The following PDE12 variants were observed in gnomAD, a reference collection of about 807,000 sequenced individuals.
The protein encoded by PDE12 is phosphodiesterase 12.
A neutral mutation model predicts 45.4 loss-of-function variants in PDE12; 26 were observed. That is an observed-to-expected ratio of 0.57 (90% CI 0.42 to 0.79). PDE12 has a LOEUF of 0.79. Ranked by LOEUF, PDE12 falls within the 30% of genes least tolerant of loss-of-function variation. The probability of loss-of-function intolerance (pLI) is 0.00; values close to 1 mark genes in which losing one functional copy is unlikely to be tolerated. For missense variants in PDE12, 668 were observed against 790.0 expected (o/e 0.85, Z 1.85); for synonymous variants, 283 against 323.9 (o/e 0.87, Z 1.36).
the PDE12 span, among the ~76,000 whole-genome samples, chr3:57,604,804 G>T: frequency 6.6e-6 from 1 of 151,586 alleles, no homozygotes; most frequent in South Asian, 2.1e-4. Context: ...TTAGAGATGG[G>T]GTCTTGCTTT....
At chr3:57,622,539 AC>A in the PDE12 span, among the ~76,000 whole-genome samples, 1 of 152,116 alleles carries the variant, frequency 6.6e-6, no homozygotes, top group African/African-American at 2.4e-5. Context: ...TTAAACATTC[AC>A]CCACCATATG....
At chr3:57,581,779 G>A in the PDE12 span, among the ~76,000 whole-genome samples, 4 of 152,144 alleles carry the variant, frequency 2.6e-5, no homozygotes, top group East Asian at 1.9e-4. Flanking sequence ...GTGACAGGAC[G>A]AGAACTCCAT....
the PDE12 span, among the ~76,000 whole-genome samples, chr3:57,618,411 A>C: frequency 6.6e-6 from 1 of 151,818 alleles, no homozygotes; most frequent in Non-Finnish European, 1.5e-5. Context: ...GTTTTATGGT[A>C]GATCTTTTTT....
the PDE12 span, chr3:57,641,802 A>T: frequency 7.0e-7 from 1 of 1,432,308 alleles, no homozygotes; most frequent in Non-Finnish European, 9.7e-7. Flanking sequence ...ATGAATGCTA[A>T]ATCAGTGAAG....
chr3:57,590,710 G>A, the PDE12 span, among the ~76,000 whole-genome samples: 2 of 151,848 alleles, frequency 1.3e-5, no homozygotes, highest in Non-Finnish European at 2.9e-5. Context: ...ACAGGGTCTC[G>A]ATCTGTCACC....
At chr3:57,623,010 A>G in the PDE12 span, among the ~76,000 whole-genome samples, 1 of 152,298 alleles carries the variant, frequency 6.6e-6, no homozygotes, top group Admixed American at 6.5e-5. Flanking sequence ...GGCTGTGATG[A>G]TGGTTTTATG....
the PDE12 span, among the ~76,000 whole-genome samples, chr3:57,598,704 C>A: frequency 6.6e-6 from 1 of 152,108 alleles, no homozygotes; most frequent in African/African-American, 2.4e-5. Context: ...TGGCGTGAAC[C>A]CGGGAGGCGG....
At chr3:57,595,657 TA>T in the PDE12 span, among the ~76,000 whole-genome samples, 3 of 152,238 alleles carry the variant, frequency 2.0e-5, no homozygotes, top group East Asian at 5.8e-4. Flanking sequence ...AGCTCTAAAA[TA>T]AAACCTCCGG....
At chr3:57,628,889 G>C in the PDE12 span, 1 of 1,609,828 alleles carries the variant, frequency 6.2e-7, no homozygotes, top group South Asian at 1.1e-5. Flanking sequence ...GTAAGTCCTA[G>C]AATAAATAAA....
chr3:57,598,553 G>A, the PDE12 span, among the ~76,000 whole-genome samples: 1 of 152,052 alleles, frequency 6.6e-6, no homozygotes, highest in African/African-American at 2.4e-5. Flanking sequence ...AGGCCGAGGC[G>A]GGCAGATTAC....
the PDE12 span, among the ~76,000 whole-genome samples, chr3:57,592,499 A>C: frequency 6.6e-6 from 1 of 152,146 alleles, no homozygotes; most frequent in Non-Finnish European, 1.5e-5. Context: ...AATATTTTTT[A>C]TCAAATTCAT....
At chr3:57,584,061 C>G in the PDE12 span, 2 of 1,224,504 alleles carry the variant, frequency 1.6e-6, no homozygotes, top group African/African-American at 3.1e-5. Context: ...AAAATAAAAC[C>G]TTTTATTGTG....
the PDE12 span, among the ~76,000 whole-genome samples, chr3:57,609,905 ACC>A: frequency 6.6e-6 from 1 of 152,186 alleles, no homozygotes; most frequent in Non-Finnish European, 1.5e-5. Context: ...TCATCCTGAT[ACC>A]AAAGGCTGGC....
Position 57,559,861 on chromosome 3 carries a change from A to C in PDE12, c.1687A>C (p.Ile563Leu). Residue 563 changes from isoleucine (I) to leucine (L), a missense_variant, in exon 3 of 3, where the codon ATT becomes CTT. By Grantham distance (5) the Ile-to-Leu change is conservative (BLOSUM62 2). Transcript: ENST00000311180. ...TGGCTTTCATGGATGTCTAGATTAC[A>C]TTTTCATTGACTTAAATGCTTTAGA... ...VGGFHGCLDY[I>L]FIDLNALEVE... The C allele has an allele frequency of 6.2e-7, 1 of 1,614,142 alleles. No individual in the cohort carries two copies. The highest frequency in any genetic ancestry group is 8.5e-7 in the Non-Finnish European group (1 of 1,180,026).
the PDE12 span, among the ~76,000 whole-genome samples, chr3:57,614,535 TTG>T: frequency 7.8e-6 from 1 of 128,320 alleles, no homozygotes; most frequent in African/African-American, 3.0e-5. Flanking sequence ...TTTTTTTTTT[TTG>T]TTTTTTGTTT....
At chr3:57,634,744 C>A in the PDE12 span, 1 of 1,570,052 alleles carries the variant, frequency 6.4e-7, no homozygotes, top group Non-Finnish European at 8.6e-7. Flanking sequence ...TCAGTTTTTT[C>A]ACTTTAACCT....
At chr3:57,570,183 A>T (rs1244025127), downstream of PDE12, among the ~76,000 whole-genome samples, 1 of 150,096 alleles carries the variant, frequency 6.7e-6, no homozygotes, top group African/African-American at 2.5e-5. Flanking sequence ...CTACCTAATC[A>T]TCAACCAATT....
chr3:57,596,167 C>A, the PDE12 span, among the ~76,000 whole-genome samples: 8 of 151,890 alleles, frequency 5.3e-5, no homozygotes, highest in African/African-American at 1.9e-4. Context: ...AAAAACACGC[C>A]CCCTAAAAAG....
the PDE12 span, among the ~76,000 whole-genome samples, chr3:57,623,229 C>T: frequency 1.3e-5 from 2 of 150,526 alleles, no homozygotes; most frequent in Non-Finnish European, 3.0e-5. Flanking sequence ...TGGGCAACAC[C>T]GTGAGAACTC....
Sources: allele counts gnomAD v4.1 joint callset (sites outside exome capture counted in the v4.1 genomes callset), GRCh38; gene constraint gnomAD v4.1.1; transcripts MANE v1.5; gene names NCBI Gene and HGNC (gene_info 2026-07-23, HGNC 2026-07-21).